Variants in WDR41 observed in about 807,000 individuals in gnomAD.
WDR41 encodes WD repeat domain 41.
WDR41 carries 63 observed loss-of-function variants against 69.3 expected under a neutral mutation model. The observed-to-expected ratio is 0.91, with a 90% CI of 0.74 to 1.12. WDR41 has a LOEUF of 1.12. WDR41 is among the 50% of genes most tolerant of loss of function. The probability of loss-of-function intolerance (pLI) is 0.00; values close to 1 mark genes in which losing one functional copy is unlikely to be tolerated. For synonymous variants in WDR41, 185 were observed against 192.1 expected (o/e 0.96, Z 0.31); for missense variants, 543 against 534.5 (o/e 1.02, Z -0.16).
rs183850660 is a variant in WDR41, at chr5:77,486,381, T to C, written c.167+3076A>G. Reference sequence around the variant, plus strand: ...AAAAAGCAGGCTTCTTCATCTATCTTAGACTCACTGTGGTAGATCACAAAC... The same window carrying C: ...AAAAAGCAGGCTTCTTCATCTATCTCAGACTCACTGTGGTAGATCACAAAC... On this transcript the variant is annotated intron_variant, in intron 2 of 12. Coordinates refer to ENST00000296679, the MANE Select transcript of WDR41 (RefSeq NM_018268.4). 1.6e-4 allele frequency among the ~76,000 whole-genome samples: 24 copies of C among 152,342 alleles called. No homozygotes were observed. In the East Asian group the frequency reaches 4.0e-3, roughly 26 times the overall value.
chr5:77,486,899 G>T (rs931330443), intron 2 of WDR41, among the ~76,000 whole-genome samples: 1 of 152,138 alleles, frequency 6.6e-6, no homozygotes, highest in African/African-American at 2.4e-5. Context: ...AGAGCATATA[G>T]GTAACTAACA....
rs1169613293 is a variant in WDR41 at position 77,505,798 on chromosome 5, A to G, written c.43-16226T>C. Among the ~76,000 whole-genome samples the G allele has an allele frequency of 4.6e-5, 7 of 152,254 alleles. No homozygotes were observed. The East Asian group carries it at 5.8e-4, about 13-fold the overall frequency. Reference sequence around the variant, plus strand: ...ACAAGAAACGGGGAAAGGATTCCCTATTTAATAAACGGTGCTGGGAAAACT... The same window carrying G: ...ACAAGAAACGGGGAAAGGATTCCCTGTTTAATAAACGGTGCTGGGAAAACT... On this transcript the variant is annotated intron_variant, in intron 1 of 5. Transcript: ENST00000509971.
At chr5:77,593,572 T>A (rs1214629617) in intron 1 of WDR41, among the ~76,000 whole-genome samples, 2 of 152,136 alleles carry the variant, frequency 1.3e-5, no homozygotes, top group Non-Finnish European at 2.9e-5. Flanking sequence ...ATATAGTAAA[T>A]GTAAACAAAG....
intron 1 of WDR41, among the ~76,000 whole-genome samples, chr5:77,586,359 T>A (rs1580030042): frequency 6.6e-6 from 1 of 152,188 alleles, no homozygotes; most frequent in South Asian, 2.1e-4. Context: ...CAGGCTGGAG[T>A]GCAGTAGTGC....
intron 12 of WDR41, among the ~76,000 whole-genome samples, chr5:77,434,041 G>GAAAC (rs1798837747): frequency 1.3e-5 from 2 of 152,122 alleles, no homozygotes; most frequent in South Asian, 2.1e-4. Context: ...AAATAAAAGA[G>GAAAC]AAACAGGGCC....
chr5:77,614,706 C>T (rs10059278), intron 1 of WDR41, among the ~76,000 whole-genome samples: 2 of 147,344 alleles, frequency 1.4e-5, no homozygotes, highest in South Asian at 2.2e-4. Flanking sequence ...CTTAATGACG[C>T]GTTAATGGGT....
At chr5:77,550,038 A>G (rs1251286088) in intron 1 of WDR41, among the ~76,000 whole-genome samples, 1 of 152,194 alleles carries the variant, frequency 6.6e-6, no homozygotes, top group Non-Finnish European at 1.5e-5. Context: ...CTGGCTAGCC[A>G]TAACCAGAAG....
chr5:77,462,999 T>C, intron 4 of WDR41, 96 bp downstream of exon 4: 2 of 1,352,160 alleles, frequency 1.5e-6, no homozygotes, highest in South Asian at 2.9e-5. Flanking sequence ...ATAACAAGAA[T>C]ATACAGACAA....
At chr5:77,592,943 A>T (rs1278025547) in intron 1 of WDR41, among the ~76,000 whole-genome samples, 1 of 152,194 alleles carries the variant, frequency 6.6e-6, no homozygotes, top group Non-Finnish European at 1.5e-5. Context: ...GTTCACCATA[A>T]ATCACATTGC....
At chr5:77,549,882 A>C (rs746336399) in intron 1 of WDR41, among the ~76,000 whole-genome samples, 21 of 152,218 alleles carry the variant, frequency 1.4e-4, no homozygotes, top group Middle Eastern at 3.4e-3. Flanking sequence ...GCATGGTACT[A>C]GTACAAAAAC....
intron 8 of WDR41, among the ~76,000 whole-genome samples, chr5:77,448,899 A>ACAAAC (rs1319511153): frequency 1.3e-5 from 2 of 151,728 alleles, no homozygotes; most frequent in African/African-American, 4.8e-5. Flanking sequence ...AAACACAAAC[A>ACAAAC]AAAAAAACAA....
chr5:77,474,113 T>C (rs1216834657), intron 2 of WDR41, among the ~76,000 whole-genome samples: 1 of 152,076 alleles, frequency 6.6e-6, no homozygotes, highest in African/African-American at 2.4e-5. Context: ...CCATAAAACA[T>C]GATGAGTTCA....
chr5:77,549,575 G>T (rs1743260996), intron 1 of WDR41, among the ~76,000 whole-genome samples: 4 of 152,162 alleles, frequency 2.6e-5, no homozygotes, highest in Non-Finnish European at 5.9e-5. Flanking sequence ...GGAGGTGAAA[G>T]ATCTCTATGA....
At chr5:77,535,788 T>C (rs1198661587) in intron 1 of WDR41, among the ~76,000 whole-genome samples, 1 of 152,216 alleles carries the variant, frequency 6.6e-6, no homozygotes, top group Non-Finnish European at 1.5e-5. Flanking sequence ...TAGAGTATTA[T>C]GTTATAAGCT....
At chr5:77,435,674 GATCTTATTCCTTCACTACAGGCA>G (rs569585130) in intron 12 of WDR41, among the ~76,000 whole-genome samples, 32 of 152,302 alleles carry the variant, frequency 2.1e-4, no homozygotes, top group African/African-American at 7.2e-4. Flanking sequence ...TACCTCAACT[GATCTTATTCCTTCACTACAGGCA>G]ATGATGCCTG....
At chr5:77,449,975 T>G in intron 7 of WDR41, 105 bp from the exon 8 acceptor site, 1 of 752,966 alleles carries the variant, frequency 1.3e-6, no homozygotes, top group South Asian at 1.8e-5. Flanking sequence ...ATACCTACCA[T>G]ACTGAAAAAC....
intron 1 of WDR41, among the ~76,000 whole-genome samples, chr5:77,543,121 G>T (rs1743123214): frequency 6.6e-6 from 1 of 152,110 alleles, no homozygotes; most frequent in Admixed American, 6.5e-5. Context: ...ACTACATCAA[G>T]GGAACACCCT....
At chr5:77,574,551 C>A (rs6453328) in intron 1 of WDR41, among the ~76,000 whole-genome samples, 15,641 of 152,004 alleles carry the variant, frequency 0.1, 1,664 homozygotes, top group East Asian at 0.26. Flanking sequence ...GATCATTACT[C>A]AATGTTATTT....
intron 1 of WDR41, among the ~76,000 whole-genome samples, chr5:77,618,927 A>G (rs1207428965): frequency 6.6e-6 from 1 of 152,148 alleles, no homozygotes; most frequent in African/African-American, 2.4e-5. Flanking sequence ...CCTGTCCATA[A>G]GCTATGCTAA....
Sources: allele counts gnomAD v4.1 joint callset (sites outside exome capture counted in the v4.1 genomes callset), GRCh38; gene constraint gnomAD v4.1.1; transcripts MANE v1.5; gene names NCBI Gene and HGNC (gene_info 2026-07-23, HGNC 2026-07-21).